GRID1: variants seen among roughly 807,000 people sequenced by gnomAD.
GRID1 encodes glutamate receptor ionotropic, delta-1.
A neutral mutation model predicts 98.0 loss-of-function variants in GRID1; 28 were observed. That is an observed-to-expected ratio of 0.29 (90% CI 0.21 to 0.39). The LOEUF is 0.39. Ranked by LOEUF, GRID1 falls within the 10% of genes least tolerant of loss-of-function variation. The probability of loss-of-function intolerance (pLI) is 1.00; values close to 1 mark genes in which losing one functional copy is unlikely to be tolerated. For synonymous variants in GRID1, 553 were observed against 538.5 expected (o/e 1.03, Z -0.37); for missense variants, 1,111 against 1,340.5 (o/e 0.83, Z 2.67).
chr10:85,666,885 C>A (rs1281827708), intron 12 of GRID1, among the ~76,000 whole-genome samples: 1 of 152,172 alleles, frequency 6.6e-6, no homozygotes, highest in Non-Finnish European at 1.5e-5. Context: ...ACCTGGGCTG[C>A]CTTGCCCCTC....
chr10:86,339,983 C>T (rs1409701191), intron 2 of GRID1, among the ~76,000 whole-genome samples: 2 of 151,952 alleles, frequency 1.3e-5, no homozygotes, highest in African/African-American at 2.4e-5. Context: ...ACGGGAGGGG[C>T]GGCAGTGGGG....
intron 4 of GRID1, among the ~76,000 whole-genome samples, chr10:85,960,333 G>A (rs1335148512): frequency 1.3e-5 from 2 of 152,248 alleles, no homozygotes; most frequent in Non-Finnish European, 1.5e-5. Flanking sequence ...AGCTGGCAAA[G>A]TTTTAACATC....
chr10:85,730,110 G>C (rs1841806339), intron 8 of GRID1, among the ~76,000 whole-genome samples: 1 of 152,218 alleles, frequency 6.6e-6, no homozygotes, highest in East Asian at 1.9e-4. Flanking sequence ...GGCAAGCAGG[G>C]TCAAGAGCTT....
rs148218464 is a variant in GRID1 at position 86,245,095 on chromosome 10, T to C, written c.236-38447A>G. The stretch of plus-strand genomic sequence containing the variant: ...CTCCTGAGGCGATGGCGGGGGACCT[T>C]AGGCACTAAGAACCTGGCCTGGTAC... On this transcript the variant is annotated intron_variant, in intron 2 of 15. Transcript: ENST00000327946. Among the ~76,000 whole-genome samples the C allele has an allele frequency of 3.5e-3, 533 of 152,360 alleles. 5 individuals carry two copies. The highest frequency in any genetic ancestry group is 0.012 in the African/African-American group (511 of 41,590).
At position 86,069,289 on chromosome 10, in the gene GRID1, G is replaced by A. The variant is rs370370655; in HGVS notation, c.726+69530C>T. On this transcript the variant is annotated intron_variant, in intron 4 of 15. Transcript: ENST00000327946. ...ATTATAATCAGAACCCAGCTTTCAG[G>A]GGCTGGGGACCAGGGGATGGAGCTG... is the stretch of plus-strand genomic sequence containing the variant. Among the ~76,000 whole-genome samples the A allele has an allele frequency of 5.3e-5, 8 of 152,248 alleles. No homozygotes were observed. In the East Asian group the frequency reaches 1.2e-3, roughly 22 times the overall value.
At chr10:85,792,346 TG>T (rs1842488171) in intron 8 of GRID1, among the ~76,000 whole-genome samples, 1 of 152,214 alleles carries the variant, frequency 6.6e-6, no homozygotes, top group Admixed American at 6.5e-5. Flanking sequence ...CCACAGCACT[TG>T]GGGCCTCAAA....
chr10:85,980,698 G>C (rs1362539344), intron 4 of GRID1, among the ~76,000 whole-genome samples: 2 of 152,208 alleles, frequency 1.3e-5, no homozygotes, highest in Admixed American at 6.5e-5. Flanking sequence ...AAGAGTGCTG[G>C]CTGTCCCCAA....
In GRID1 at chr10:85,723,108, C is replaced by A; in HGVS notation, c.1892G>T (p.Arg631Leu). Residue 631 changes from arginine (R) to leucine (L), a missense_variant, in exon 12 of 16, where the codon CGC becomes CTC. By Grantham distance (102) the Arg-to-Leu change is moderately radical. Around this residue, in one of 3 missense-constraint regions of GRID1, gnomAD observed 762 missense variants for 869.1 expected, o/e 0.88. Coordinates refer to ENST00000327946, the MANE Select transcript of GRID1 (RefSeq NM_017551.3). Reference sequence around the variant, plus strand: ...GAGCCACCAGCTGCCCATCACGATGCGCATGGCCATGGAGTTCACGGAAGA... The same window carrying A: ...GAGCCACCAGCTGCCCATCACGATGAGCATGGCCATGGAGTTCACGGAAGA... ...GESSVNSMAM[R>L]IVMGSWWLFT... 2 of 1,611,006 alleles carry A rather than the reference C, an allele frequency of 1.2e-6. No homozygotes were observed. The highest frequency in any genetic ancestry group is 1.7e-6 in the Non-Finnish European group (2 of 1,178,594).
intron 5 of GRID1, among the ~76,000 whole-genome samples, chr10:85,903,461 C>T (rs1185586455): frequency 2.0e-5 from 3 of 152,144 alleles, no homozygotes; most frequent in African/African-American, 7.2e-5. Context: ...CAAACCACCA[C>T]CCTTCCTTTC....
chr10:86,170,832 G>A (rs1043431337), intron 3 of GRID1, among the ~76,000 whole-genome samples: 1 of 152,172 alleles, frequency 6.6e-6, no homozygotes. Flanking sequence ...TTCTGGATCC[G>A]TGCTTCCTGT....
chr10:85,986,820 G>T (rs1842614027), intron 4 of GRID1, among the ~76,000 whole-genome samples: 1 of 152,206 alleles, frequency 6.6e-6, no homozygotes, highest in African/African-American at 2.4e-5. Flanking sequence ...GGACAGCACA[G>T]ATAGAGCTTC....
intron 4 of GRID1, among the ~76,000 whole-genome samples, chr10:86,060,592 C>A (rs975010337): frequency 2.0e-5 from 3 of 152,202 alleles, no homozygotes; most frequent in Non-Finnish European, 4.4e-5. Context: ...CTCTAAAGCC[C>A]GGGTCACTTA....
chr10:85,946,271 G>C (rs1331403820), intron 4 of GRID1, among the ~76,000 whole-genome samples: 1 of 152,150 alleles, frequency 6.6e-6, no homozygotes, highest in East Asian at 1.9e-4. Flanking sequence ...AAAGTAATCA[G>C]CTAATGGTAT....
chr10:86,179,862 C>A (rs1233033562), intron 3 of GRID1, among the ~76,000 whole-genome samples: 1 of 152,236 alleles, frequency 6.6e-6, no homozygotes, highest in Non-Finnish European at 1.5e-5. Context: ...AGCCCATCTT[C>A]CCCCGTAAAG....
intron 4 of GRID1, among the ~76,000 whole-genome samples, chr10:86,035,980 C>T (rs981063803): frequency 3.3e-5 from 5 of 152,152 alleles, no homozygotes; most frequent in African/African-American, 9.7e-5. Context: ...CTCAAGTGGA[C>T]CTGGGCGTGT....
chr10:85,787,869 C>T (rs938664724), intron 8 of GRID1, among the ~76,000 whole-genome samples: 2 of 152,038 alleles, frequency 1.3e-5, no homozygotes, highest in African/African-American at 2.4e-5. Flanking sequence ...TTTCTACTCC[C>T]GATGCTTCTG....
chr10:85,766,432 G>A (rs1294784914), intron 8 of GRID1, among the ~76,000 whole-genome samples: 1 of 152,200 alleles, frequency 6.6e-6, no homozygotes, highest in Non-Finnish European at 1.5e-5. Flanking sequence ...GCTGCATTGA[G>A]CTGTGCTCAC....
At position 85,643,822 on chromosome 10, in the gene GRID1, A is replaced by G. The variant is rs528240009; in HGVS notation, c.2193+3380T>C. On this transcript the variant is annotated intron_variant, in intron 13 of 15. Transcript: ENST00000327946. ...AGGTACCATAAAACTAATCCATCTTATGTACTAACAAAGATTAAATTCTAT... is the reference window on the plus strand; with the variant it reads ...AGGTACCATAAAACTAATCCATCTTGTGTACTAACAAAGATTAAATTCTAT... Among the ~76,000 whole-genome samples, 14 of 152,294 alleles carry G rather than the reference A, an allele frequency of 9.2e-5. No homozygotes were observed. The East Asian group carries it at 2.7e-3, about 29-fold the overall frequency.
At chr10:85,860,369 T>C (rs1339372428) in intron 6 of GRID1, among the ~76,000 whole-genome samples, 1 of 151,572 alleles carries the variant, frequency 6.6e-6, no homozygotes, top group African/African-American at 2.4e-5. Flanking sequence ...AAAAGAGAGG[T>C]CAGAGTGTCA....
Sources: gnomAD v4.1 joint callset for allele counts (sites outside exome capture counted in the v4.1 genomes callset) on GRCh38, gnomAD v4.1.1 for gene constraint, gnomAD v4.1.1 regional missense constraint, MANE v1.5 for transcripts, NCBI Gene and HGNC (gene_info 2026-07-23, HGNC 2026-07-21) for gene names.